Variants in LRRC4C observed in about 807,000 individuals in gnomAD.
The protein encoded by LRRC4C is leucine-rich repeat-containing protein 4C.
In LRRC4C, 5 loss-of-function variants were observed where a neutral mutation model predicts 33.6. That is an observed-to-expected ratio of 0.15 (90% CI 0.08 to 0.31). The LOEUF (loss-of-function observed/expected upper bound fraction) is 0.31, where lower values mean the gene tolerates loss of function less well. LRRC4C is among the 10% of genes least tolerant of loss of function. The pLI is 1.00. For synonymous variants in LRRC4C, 329 were observed against 302.0 expected, an observed-to-expected ratio of 1.09 and a Z score of -0.93; for missense variants, 560 against 796.7, an observed-to-expected ratio of 0.70 and a Z score of 3.58.
At chr11:40,121,296 G>C (rs1478033295) in intron 6 of LRRC4C, among the ~76,000 whole-genome samples, 1 of 152,056 alleles carries the variant, frequency 6.6e-6, no homozygotes, top group Non-Finnish European at 1.5e-5. Context: ...TGCAATTAAT[G>C]AGATTTTCTA....
At chr11:40,368,035 A>C (rs1948288444) in intron 3 of LRRC4C, among the ~76,000 whole-genome samples, 1 of 152,126 alleles carries the variant, frequency 6.6e-6, no homozygotes, top group African/African-American at 2.4e-5. Flanking sequence ...ATTTTTATTC[A>C]TCAGACTGTT....
At chr11:40,343,409 A>G (rs760270351) in intron 3 of LRRC4C, among the ~76,000 whole-genome samples, 3 of 152,054 alleles carry the variant, frequency 2.0e-5, no homozygotes, top group Admixed American at 6.6e-5. Context: ...ATTGTTTTTT[A>G]GGTAAACTTT....
At chr11:41,308,287 T>A (rs951526497) in intron 1 of LRRC4C, among the ~76,000 whole-genome samples, 1 of 151,212 alleles carries the variant, frequency 6.6e-6, no homozygotes, top group African/African-American at 2.4e-5. Context: ...TGGGGGCTTA[T>A]GAATACCTGG....
chr11:40,874,458 T>A (rs114448174), intron 2 of LRRC4C, among the ~76,000 whole-genome samples: 1,901 of 152,276 alleles, frequency 0.012, 36 homozygotes, highest in African/African-American at 0.043. Context: ...TGAGAGCACA[T>A]ATGTCCTACT....
At chr11:41,061,463 A>G in intron 1 of LRRC4C, among the ~76,000 whole-genome samples, 1 of 152,230 alleles carries the variant, frequency 6.6e-6, no homozygotes, top group Admixed American at 6.5e-5. Flanking sequence ...CTTAATCCAC[A>G]GCAAGACTTC....
Position 40,307,522 on chromosome 11 carries a change from A to G in LRRC4C, c.-176+12106T>C, listed in dbSNP as rs117774043. Among the ~76,000 whole-genome samples the G allele has an allele frequency of 4.7e-4, 72 of 152,288 alleles. 1 individual carries two copies. In the East Asian group the frequency reaches 0.014, roughly 29 times the overall value. ...TTTCCCAATTCTTTCCAACTGCATG[A>G]TATTTCTCCCTCTAAATACTTTCAA... On this transcript the variant is annotated intron_variant, in intron 4 of 6. Transcript: ENST00000528697.
intron 3 of LRRC4C, among the ~76,000 whole-genome samples, chr11:40,559,964 CT>C (rs1485199773): frequency 1.3e-5 from 2 of 152,098 alleles, no homozygotes; most frequent in African/African-American, 2.4e-5. Flanking sequence ...AAGTTTATGG[CT>C]GCCTTAGTGA....
At chr11:40,526,573 T>C (rs1020714437) in intron 3 of LRRC4C, among the ~76,000 whole-genome samples, 2 of 152,096 alleles carry the variant, frequency 1.3e-5, no homozygotes, top group African/African-American at 2.4e-5. Flanking sequence ...ATACCAAATA[T>C]TGGGGGTACT....
chr11:40,564,824 G>A (rs549779671), intron 3 of LRRC4C, among the ~76,000 whole-genome samples: 14 of 152,226 alleles, frequency 9.2e-5, no homozygotes, highest in African/African-American at 3.4e-4. Context: ...TGCCATTTTG[G>A]CAGGGGTAAT....
At chr11:40,514,984 A>G (rs968813539) in intron 3 of LRRC4C, among the ~76,000 whole-genome samples, 1 of 152,144 alleles carries the variant, frequency 6.6e-6, no homozygotes, top group Non-Finnish European at 1.5e-5. Context: ...CATCCACACC[A>G]TATCTTTCAT....
intron 1 of LRRC4C, among the ~76,000 whole-genome samples, chr11:41,208,645 C>T (rs1326463984): frequency 1.3e-5 from 2 of 152,218 alleles, no homozygotes; most frequent in African/African-American, 4.8e-5. Flanking sequence ...AGAGATCCTA[C>T]AGGATGGGAC....
At chr11:40,333,655 T>A (rs1192810937) in intron 3 of LRRC4C, among the ~76,000 whole-genome samples, 1 of 142,636 alleles carries the variant, frequency 7.0e-6, no homozygotes, top group Admixed American at 7.7e-5. Flanking sequence ...AGGCGGAGGT[T>A]GCAGTGAGCT....
At chr11:41,090,015 C>CAA (rs11366324) in intron 1 of LRRC4C, among the ~76,000 whole-genome samples, 1 of 150,466 alleles carries the variant, frequency 6.6e-6, no homozygotes, top group Non-Finnish European at 1.5e-5. Flanking sequence ...TATTGATATT[C>CAA]AAAAAAAAAT....
chr11:40,416,953 T>A (rs1950345096), intron 3 of LRRC4C, among the ~76,000 whole-genome samples: 1 of 152,246 alleles, frequency 6.6e-6, no homozygotes, highest in Admixed American at 6.5e-5. Flanking sequence ...GAAGATTCAC[T>A]ATGCCTTCAT....
rs139124795 is a variant in LRRC4C at position 40,981,203 on chromosome 11, C to G, written c.-495-47480G>C. On this transcript the variant is annotated intron_variant, in intron 1 of 6. Transcript: ENST00000528697. ...GGCCGAGACGGGTGGATCACGAGGT[C>G]AGGAGATGGAGACCATCCTGGCCAA... is the stretch of plus-strand genomic sequence containing the variant. Among the ~76,000 whole-genome samples the G allele has an allele frequency of 7.5e-3, 1,144 of 152,202 alleles. 12 individuals carry two copies. Among genetic ancestry groups the G allele is most frequent in the African/African-American group, 0.026 (1,097 of 41,536 alleles).
At position 40,463,284 on chromosome 11, in the gene LRRC4C, T is replaced by C. The variant is rs185598593; in HGVS notation, c.-269-143563A>G. On this transcript the variant is annotated intron_variant, in intron 3 of 6. Transcript: ENST00000528697. ...GCATAGAAGTATTATTGGGAAGATA[T>C]AGGTGTGCGTATGTGTTACTGGTGT... 2.7e-5 allele frequency among the ~76,000 whole-genome samples: 4 copies of C among 149,114 alleles called. 1 individual carries two copies. In the East Asian group the frequency reaches 6.1e-4, roughly 23 times the overall value.
chr11:40,612,266 G>A (rs1191361488), intron 3 of LRRC4C, among the ~76,000 whole-genome samples: 1 of 151,734 alleles, frequency 6.6e-6, no homozygotes, highest in African/African-American at 2.4e-5. Flanking sequence ...AAGACATTAC[G>A]CAAATTGAAA....
intron 3 of LRRC4C, among the ~76,000 whole-genome samples, chr11:40,358,009 C>G (rs1947752790): frequency 6.6e-6 from 1 of 151,938 alleles, no homozygotes; most frequent in Admixed American, 6.6e-5. Context: ...ATGGTGAAAC[C>G]AGGTCTCTAT....
intron 2 of LRRC4C, among the ~76,000 whole-genome samples, chr11:40,696,095 GTATA>G (rs150296016): frequency 5.7e-5 from 8 of 139,206 alleles, no homozygotes; most frequent in South Asian, 2.3e-4. Flanking sequence ...ATGAGTGTGT[GTATA>G]TATATATATA....
Sources: allele counts gnomAD v4.1 joint callset (sites outside exome capture counted in the v4.1 genomes callset), GRCh38; gene constraint gnomAD v4.1.1; transcripts MANE v1.5; gene names NCBI Gene and HGNC (gene_info 2026-07-23, HGNC 2026-07-21).